Variants in PDXDC1 observed in about 807,000 individuals in gnomAD.
The protein encoded by PDXDC1 is pyridoxal-dependent decarboxylase domain-containing protein 1.
In PDXDC1, 42 loss-of-function variants were observed where a neutral mutation model predicts 100.1. The observed-to-expected ratio is 0.42, with a 90% confidence interval of 0.33 to 0.54. The LOEUF (loss-of-function observed/expected upper bound fraction) is 0.54. Among genes scored for constraint, PDXDC1 ranks in the 20% least tolerant of loss-of-function variants. The pLI is 0.10. For missense variants in PDXDC1, 636 were observed against 979.2 expected (o/e 0.65, Z 4.68); for synonymous variants, 260 against 371.7 (o/e 0.70, Z 3.46).
At chr16:15,080,617 G>C (rs2045658570) in intron 16 of PDXDC1, among the ~76,000 whole-genome samples, 1 of 152,102 alleles carries the variant, frequency 6.6e-6, no homozygotes, top group South Asian at 2.1e-4. Flanking sequence ...CTTTTAGAGA[G>C]ACATTTTCTC....
At position 15,028,992 on chromosome 16, in the gene PDXDC1, C is replaced by T. The variant is rs756072119; in HGVS notation, c.1293+26C>T. ...GTGAGAATGGCAGTCACCCCCCTTTCCTTTCAGGTCCCCGTCCATCACCAT... is the reference window on the plus strand; with the variant it reads ...GTGAGAATGGCAGTCACCCCCCTTTTCTTTCAGGTCCCCGTCCATCACCAT... On this transcript the variant is annotated intron_variant, in intron 15 of 22. Transcript: ENST00000396410. The T allele has an allele frequency of 3.1e-6, 5 of 1,605,164 alleles. No homozygotes were observed. In the South Asian group the frequency reaches 5.5e-5, roughly 18 times the overall value.
At chr16:15,023,331 G>GAAAGTTTTC (rs1373185860) in intron 13 of PDXDC1, among the ~76,000 whole-genome samples, 13 of 152,402 alleles carry the variant, frequency 8.5e-5, no homozygotes, top group Admixed American at 3.9e-4. Flanking sequence ...TTTGTGTTTT[G>GAAAGTTTTC]CTTCATGGTA....
At position 15,031,686 on chromosome 16, in the gene PDXDC1, G is replaced by C. The variant is rs200908790; in HGVS notation, c.1400-49G>C. 4 of 1,538,242 alleles carry C rather than the reference G, an allele frequency of 2.6e-6. No individual in the cohort carries two copies. The African/African-American group carries it at 5.4e-5, about 21-fold the overall frequency. ...GTGGAAGAGGGAGCCCTGCCCTCTT[G>C]TCATTGGCCATCTCGTGAGCATTTC... On this transcript the variant is annotated intron_variant, in intron 16 of 22. Coordinates refer to ENST00000396410, the MANE Select transcript of PDXDC1 (RefSeq NM_015027.4).
intron 16 of PDXDC1, chr16:15,127,722 G>A (rs201775936): frequency 5.2e-5 from 79 of 1,510,510 alleles, no homozygotes; most frequent in African/African-American, 4.8e-4. Context: ...CGTACCACAC[G>A]GCGTTGGCGC....
chr16:15,122,234 T>TGG (rs2047458020), intron 16 of PDXDC1, among the ~76,000 whole-genome samples: 1 of 151,616 alleles, frequency 6.6e-6, no homozygotes, highest in Non-Finnish European at 1.5e-5. Flanking sequence ...CACTTTGTTT[T>TGG]GGTCCGTTTT....
intron 3 of PDXDC1, among the ~76,000 whole-genome samples, chr16:14,999,772 A>T (rs987788339): frequency 6.6e-6 from 1 of 152,284 alleles, no homozygotes; most frequent in Admixed American, 6.5e-5. Context: ...ATAGCAAAAA[A>T]GTAAGTAGCT....
At chr16:15,018,681 A>T (rs1481243954) in intron 11 of PDXDC1, among the ~76,000 whole-genome samples, 159 bp from the exon 12 acceptor site, 2 of 152,210 alleles carry the variant, frequency 1.3e-5, no homozygotes, top group Non-Finnish European at 2.9e-5. Flanking sequence ...TACCTAGAAT[A>T]CTTAGCTCAC....
intron 16 of PDXDC1, among the ~76,000 whole-genome samples, chr16:15,124,515 C>T (rs2047597653): frequency 6.6e-6 from 1 of 151,890 alleles, no homozygotes; most frequent in Non-Finnish European, 1.5e-5. Flanking sequence ...TGGCTCACGC[C>T]TGTAATCCCA....
chr16:15,001,215 G>A (rs1178573259), intron 3 of PDXDC1, among the ~76,000 whole-genome samples: 4 of 152,034 alleles, frequency 2.6e-5, no homozygotes, highest in Non-Finnish European at 4.4e-5. Flanking sequence ...ACGGCTGGGC[G>A]TGGTGGCTCA....
intron 16 of PDXDC1, among the ~76,000 whole-genome samples, chr16:15,075,250 CAAAA>C (rs56913254): frequency 5.9e-5 from 4 of 68,042 alleles, no homozygotes; most frequent in Admixed American, 1.7e-4. Context: ...TGTGCCCCAC[CAAAA>C]AAAAAAAAAA....
At chr16:14,984,906 G>C (rs1474890460) in intron 1 of PDXDC1, among the ~76,000 whole-genome samples, 3 of 152,152 alleles carry the variant, frequency 2.0e-5, no homozygotes. Context: ...ACAGAGTCTT[G>C]CTCTGTCACC....
chr16:15,089,725 G>C (rs1300888766), intron 16 of PDXDC1, among the ~76,000 whole-genome samples: 2 of 137,992 alleles, frequency 1.4e-5, no homozygotes, highest in African/African-American at 5.4e-5. Context: ...GCTTGAACCC[G>C]GGAGGCGGAG....
intron 16 of PDXDC1, among the ~76,000 whole-genome samples, chr16:15,066,069 C>T (rs2044956862): frequency 6.6e-6 from 1 of 152,218 alleles, no homozygotes; most frequent in African/African-American, 2.4e-5. Flanking sequence ...ACTCAGATCT[C>T]ACTTCTGTCA....
At chr16:15,143,898 A>G (rs1369824884), downstream of PDXDC1, among the ~76,000 whole-genome samples, 1 of 152,122 alleles carries the variant, frequency 6.6e-6, no homozygotes, top group Non-Finnish European at 1.5e-5. Context: ...CACATTCCAG[A>G]CGCGTGTGGT....
chr16:15,034,516 G>A lies in PDXDC1; in HGVS notation c.1965G>A (p.Gln655=), dbSNP rs746109447. 6.2e-7 allele frequency: 1 copy of A among 1,614,124 alleles called. No individual in the cohort carries two copies. Among genetic ancestry groups the A allele is most frequent in the Admixed American group, 1.7e-5 (1 of 60,034 alleles). The change falls in exon 21 of 23, where the codon CAG becomes CAA. Residue 655 remains glutamine, a synonymous_variant. Coordinates refer to ENST00000396410, the MANE Select transcript of PDXDC1 (RefSeq NM_015027.4). ...TGCTGAATTGGTTTTCTCCGGTCCA[G>A]GCTTTACAGAAGGGAAGAACTTTTA... ...GSVLNWFSPV[Q]ALQKGRTFNL...
At chr16:14,995,722 GCTC>G (rs2151307446) in intron 1 of PDXDC1, among the ~76,000 whole-genome samples, 1 of 152,412 alleles carries the variant, frequency 6.6e-6, no homozygotes, top group South Asian at 2.1e-4. Flanking sequence ...AATGGTACCA[GCTC>G]CTCCTTTTAC....
intron 13 of PDXDC1, among the ~76,000 whole-genome samples, chr16:15,023,738 C>T (rs1476976302): frequency 3.3e-5 from 5 of 152,266 alleles, no homozygotes; most frequent in African/African-American, 1.2e-4. Context: ...CCAGTTGACC[C>T]GAGTTCTAGC....
At chr16:15,014,206 C>CAA (rs199890384) in intron 8 of PDXDC1, among the ~76,000 whole-genome samples, 30,830 of 141,834 alleles carry the variant, frequency 0.22, 1,603 homozygotes, top group East Asian at 0.42. Flanking sequence ...GACTCTGTCT[C>CAA]AAAAAAAAAA....
chr16:15,090,976 C>T (rs557969469), intron 16 of PDXDC1, among the ~76,000 whole-genome samples: 27 of 150,698 alleles, frequency 1.8e-4, no homozygotes, highest in African/African-American at 6.6e-4. Flanking sequence ...AGCATTAGAG[C>T]AGGGTTTCCC....
Sources: gnomAD v4.1 joint callset for allele counts (sites outside exome capture counted in the v4.1 genomes callset) on GRCh38, gnomAD v4.1.1 for gene constraint, MANE v1.5 for transcripts, NCBI Gene and HGNC (gene_info 2026-07-23, HGNC 2026-07-21) for gene names.